OXCT1: variants seen among roughly 807,000 people sequenced by gnomAD.
The protein encoded by OXCT1 is succinyl-CoA:3-ketoacid coenzyme A transferase 1, mitochondrial.
In OXCT1, 27 loss-of-function variants were observed where a neutral mutation model predicts 69.6. The observed-to-expected ratio is 0.39, with a 90% confidence interval of 0.29 to 0.54. The LOEUF (loss-of-function observed/expected upper bound fraction) is 0.54. Among genes scored for constraint, OXCT1 ranks in the 20% least tolerant of loss-of-function variants. OXCT1 has a pLI of 0.72. For synonymous variants in OXCT1, 202 were observed against 217.8 expected (o/e 0.93, Z 0.64); for missense variants, 437 against 650.2 (o/e 0.67, Z 3.57).
intron 13 of OXCT1, among the ~76,000 whole-genome samples, chr5:41,779,152 A>T (rs1403410289): frequency 2.0e-5 from 3 of 152,166 alleles, no homozygotes; most frequent in Non-Finnish European, 4.4e-5. Flanking sequence ...CACCTCTCAA[A>T]TATCGATTTT....
chr5:41,790,167 C>T (rs1003087652), intron 13 of OXCT1, among the ~76,000 whole-genome samples: 1 of 152,228 alleles, frequency 6.6e-6, no homozygotes, highest in Non-Finnish European at 1.5e-5. Context: ...TCACGTACTG[C>T]AGCCCTGTCC....
rs965671364 is a variant in OXCT1 at position 41,762,909 on chromosome 5, C to T, written c.1249-709G>A. 1.6e-4 allele frequency among the ~76,000 whole-genome samples: 25 copies of T among 152,158 alleles called. No homozygotes were observed. Among genetic ancestry groups the T allele is most frequent in the African/African-American group, 5.3e-4 (22 of 41,536 alleles). On this transcript the variant is annotated intron_variant, in intron 13 of 16. Coordinates refer to ENST00000196371, the MANE Select transcript of OXCT1 (RefSeq NM_000436.4). This position sits in a 1 kb window ranked among gnomAD's most constrained non-coding sequence, Gnocchi z 4.0. ...ACCACATGCTCTGAAAAAGTCCATC[C>T]GTCTATTCTGTCTCCTGCTTACAGA...
intron 3 of OXCT1, among the ~76,000 whole-genome samples, chr5:41,857,089 G>A (rs566296191): frequency 1.3e-5 from 2 of 152,180 alleles, no homozygotes; most frequent in South Asian, 4.2e-4. Context: ...GAATCTATCA[G>A]GAAATCCTGA....
intron 14 of OXCT1, among the ~76,000 whole-genome samples, chr5:41,752,068 A>G (rs1743810979): frequency 6.6e-6 from 1 of 152,158 alleles, no homozygotes. Flanking sequence ...AGCTGCATAT[A>G]TTAGTGACTC....
At chr5:41,783,782 G>A (rs978446104) in intron 13 of OXCT1, among the ~76,000 whole-genome samples, 7 of 152,138 alleles carry the variant, frequency 4.6e-5, no homozygotes, top group African/African-American at 1.4e-4. Context: ...CTTTCTTTCA[G>A]TCTCTGTGTT....
intron 16 of OXCT1, among the ~76,000 whole-genome samples, chr5:41,734,838 T>C (rs1049109086): frequency 1.3e-5 from 2 of 152,128 alleles, no homozygotes; most frequent in Admixed American, 6.5e-5. Flanking sequence ...GAGATTAGCA[T>C]CCAGAATATA....
intron 5 of OXCT1, among the ~76,000 whole-genome samples, chr5:41,843,314 G>A (rs1748735319): frequency 6.6e-6 from 1 of 152,082 alleles, no homozygotes; most frequent in Non-Finnish European, 1.5e-5. Context: ...CATGAGCATA[G>A]TATATGTCTC....
chr5:41,738,054 TA>T (rs1018483480), intron 16 of OXCT1, among the ~76,000 whole-genome samples: 7 of 149,142 alleles, frequency 4.7e-5, no homozygotes, highest in Admixed American at 6.7e-5. Flanking sequence ...GACTCCGTCT[TA>T]AAAAAAAAAT....
intron 14 of OXCT1, among the ~76,000 whole-genome samples, chr5:41,752,284 T>G (rs868310213): frequency 2.0e-5 from 3 of 152,106 alleles, no homozygotes; most frequent in Non-Finnish European, 4.4e-5. Flanking sequence ...CCTTACCTGA[T>G]CATTGTAGGA....
chr5:41,858,546 C>T (rs1749560706), intron 3 of OXCT1, among the ~76,000 whole-genome samples: 1 of 152,088 alleles, frequency 6.6e-6, no homozygotes, highest in Non-Finnish European at 1.5e-5. Context: ...CATAACAAAC[C>T]TGGGTTTCAA....
intron 3 of OXCT1, among the ~76,000 whole-genome samples, chr5:41,860,664 G>T (rs992034960): frequency 6.6e-6 from 1 of 152,118 alleles, no homozygotes; most frequent in South Asian, 2.1e-4. Flanking sequence ...GTCTTTAATT[G>T]TTGAGAGCTG....
In OXCT1 at chr5:41,756,723, G is replaced by A. The variant is rs183700490; in HGVS notation, c.1338+5388C>T. Among the ~76,000 whole-genome samples the A allele has an allele frequency of 2.1e-4, 32 of 152,194 alleles. 1 individual carries two copies. The highest frequency in any genetic ancestry group is 1.4e-3 in the East Asian group (7 of 5,168). ...TGCTGAAGAAGGGGGAGAAAGGATC[G>A]TCTGAAGACGGAAGAGTTCTGTTGT... On this transcript the variant is annotated intron_variant, in intron 14 of 16. Coordinates refer to ENST00000196371, the MANE Select transcript of OXCT1 (RefSeq NM_000436.4).
At chr5:41,867,997 T>A (rs564111276) in intron 1 of OXCT1, among the ~76,000 whole-genome samples, 1 of 152,238 alleles carries the variant, frequency 6.6e-6, no homozygotes, top group East Asian at 1.9e-4. Context: ...AGCATCAACA[T>A]CACCTGGAAC....
chr5:41,742,136 C>T (rs1331366687), intron 15 of OXCT1, among the ~76,000 whole-genome samples: 1 of 152,074 alleles, frequency 6.6e-6, no homozygotes, highest in Admixed American at 6.6e-5. Flanking sequence ...GAGAGTAAAT[C>T]TATGGCAAAT....
chr5:41,793,881 A>G (rs1363274887), intron 13 of OXCT1, 122 bp downstream of exon 13: 1 of 695,242 alleles, frequency 1.4e-6, no homozygotes, highest in Non-Finnish European at 2.5e-6. Context: ...TGATTCTAGT[A>G]AGAAATATAT....
At chr5:41,748,312 C>A (rs1216979768) in intron 15 of OXCT1, among the ~76,000 whole-genome samples, 1 of 151,776 alleles carries the variant, frequency 6.6e-6, no homozygotes, top group African/African-American at 2.4e-5. Context: ...AAGGGCAGGG[C>A]ACATGTGGAG....
At chr5:41,772,440 G>C (rs1052017376) in intron 13 of OXCT1, among the ~76,000 whole-genome samples, 1 of 150,538 alleles carries the variant, frequency 6.6e-6, no homozygotes, top group Non-Finnish European at 1.5e-5. Context: ...TTCCACAATA[G>C]AAAGGATCAG....
At chr5:41,798,339 T>G (rs1399000763) in intron 11 of OXCT1, among the ~76,000 whole-genome samples, 1 of 152,204 alleles carries the variant, frequency 6.6e-6, no homozygotes, top group Non-Finnish European at 1.5e-5. Flanking sequence ...TCTTCAGATG[T>G]GATACATATA....
chr5:41,778,357 A>C (rs1316837912), intron 13 of OXCT1, among the ~76,000 whole-genome samples: 1 of 152,230 alleles, frequency 6.6e-6, no homozygotes, highest in Non-Finnish European at 1.5e-5. Context: ...GTTTTACTTA[A>C]AATAATTCCA....
Sources: allele counts gnomAD v4.1 joint callset (sites outside exome capture counted in the v4.1 genomes callset), GRCh38; gene constraint gnomAD v4.1.1; non-coding constraint Gnocchi (gnomAD v3.1); transcripts MANE v1.5; gene names NCBI Gene and HGNC (gene_info 2026-07-23, HGNC 2026-07-21).